The following PAFAH2 variants were observed in gnomAD, a reference collection of about 807,000 sequenced individuals.
PAFAH2 encodes the protein platelet-activating factor acetylhydrolase 2, cytoplasmic.
A neutral mutation model predicts 49.0 loss-of-function variants in PAFAH2; 42 were observed. That is an observed-to-expected ratio of 0.86 (90% CI 0.67 to 1.11). The LOEUF (loss-of-function observed/expected upper bound fraction) is 1.11. Among genes scored for constraint, PAFAH2 ranks in the 50% least tolerant of loss-of-function variants. PAFAH2 has a pLI of 0.00. For synonymous variants in PAFAH2, 184 were observed against 181.3 expected (o/e 1.01, Z -0.12); for missense variants, 503 against 501.8 (o/e 1.00, Z -0.02).
At chr1:25,983,220 G>A (rs761200743) in intron 6 of PAFAH2, among the ~76,000 whole-genome samples, 9 of 151,622 alleles carry the variant, frequency 5.9e-5, no homozygotes, top group Non-Finnish European at 1.0e-4. Flanking sequence ...GCAAGACCCC[G>A]TCTCTACTAA....
chr1:25,988,228 T>C lies in PAFAH2; in HGVS notation c.341+3A>G. On this transcript the variant is annotated splice_donor_region_variant and intron_variant, in intron 4 of 10. Coordinates refer to ENST00000374282, the MANE Select transcript of PAFAH2 (RefSeq NM_000437.4). ...GCAAGGTCTGGGGGAAAGAAGCTCT[T>C]ACCTGAAGGCTCCTAGGCCATGGGA... 6.3e-7 allele frequency: 1 copy of C among 1,589,744 alleles called. No individual in the cohort carries two copies.
chr1:25,988,261 A>T lies in PAFAH2; in HGVS notation c.311T>A (p.Ile104Asn). ...GGCTCCTAGGCCATGGGAGAAGATG[A>T]TCAAGGGGTATCCAGAGTCCTTTGT... is the stretch of plus-strand genomic sequence containing the variant. ...FKTKDSGYPLIIFSHGLGAFR... is the reference protein window; with the variant it reads ...FKTKDSGYPLNIFSHGLGAFR... The change falls in exon 4 of 11, where the codon ATC becomes AAC. Residue 104 changes from isoleucine to asparagine, a missense_variant. Physicochemically the swap from Ile to Asn is moderately radical, Grantham distance 149. Transcript: ENST00000374282. The T allele has an allele frequency of 6.2e-7, 1 of 1,608,964 alleles. No homozygotes were observed. Among genetic ancestry groups the T allele is most frequent in the African/African-American group, 1.3e-5 (1 of 74,750 alleles).
At chr1:25,991,884 C>T (rs781552535) in intron 1 of PAFAH2, among the ~76,000 whole-genome samples, 1 of 151,954 alleles carries the variant, frequency 6.6e-6, no homozygotes, top group African/African-American at 2.4e-5. Flanking sequence ...CAGAGTGAGA[C>T]CCTGTCTCAA....
chr1:25,997,245 T>C (rs1445364491), intron 1 of PAFAH2, among the ~76,000 whole-genome samples: 1 of 152,178 alleles, frequency 6.6e-6, no homozygotes, highest in Non-Finnish European at 1.5e-5. Context: ...GGAAATATCA[T>C]CCAGCTCGTA....
intron 10 of PAFAH2, among the ~76,000 whole-genome samples, chr1:25,969,391 GC>G (rs1223712635): frequency 6.6e-6 from 1 of 152,198 alleles, no homozygotes; most frequent in African/African-American, 2.4e-5. Flanking sequence ...GCCTACTGTG[GC>G]CATGGAACTT....
intron 8 of PAFAH2, 97 bp downstream of exon 8, chr1:25,976,585 A>C: frequency 1.2e-6 from 1 of 848,898 alleles, no homozygotes; most frequent in Admixed American, 2.1e-5. Flanking sequence ...CTCAGTCCCT[A>C]AACAGTGCCA....
chr1:25,997,319 G>C (rs545628902), intron 1 of PAFAH2: 2 of 152,360 alleles, frequency 1.3e-5, no homozygotes, highest in East Asian at 3.9e-4. Flanking sequence ...AGCTAGAGAA[G>C]AGGCCTGATA....
At position 25,974,459 on chromosome 1, in the gene PAFAH2, A is replaced by G. The variant is rs188978603; in HGVS notation, c.929+21T>C. The stretch of plus-strand genomic sequence containing the variant: ...GGCAAATGGAGAGGGCCCTGGGATC[A>G]CGACCTTGTGGTTTACTCACAGAAC... On this transcript the variant is annotated intron_variant, in intron 9 of 10. Coordinates refer to ENST00000374282, the MANE Select transcript of PAFAH2 (RefSeq NM_000437.4). The G allele has an allele frequency of 1.6e-5, 25 of 1,571,042 alleles. No homozygotes were observed. The African/African-American group carries it at 2.9e-4, about 18-fold the overall frequency.
At position 25,989,529 on chromosome 1, in the gene PAFAH2, G is replaced by C; in HGVS notation, c.163C>G (p.Arg55Gly). The change falls in exon 3 of 11, where the codon CGC (arginine) becomes GGC (glycine). Residue 55 changes from arginine (R) to glycine (G), a missense_variant. Coordinates refer to ENST00000374282, the MANE Select transcript of PAFAH2 (RefSeq NM_000437.4). ...GCCAGGCCAGTGCAGTACTCATAGC[G>C]GGGAATCCACAGGGGCTGCTCCATG... is the stretch of plus-strand genomic sequence containing the variant. ...ETMEQPLWIPRYEYCTGLAEY... is the reference protein window; with the variant it reads ...ETMEQPLWIPGYEYCTGLAEY... The C allele has an allele frequency of 6.2e-7, 1 of 1,613,024 alleles. No individual in the cohort carries two copies.
chr1:25,976,886 G>C (rs2049598105), intron 7 of PAFAH2, 113 bp from the exon 8 acceptor site: 1 of 710,340 alleles, frequency 1.4e-6, no homozygotes, highest in Non-Finnish European at 2.4e-6. Flanking sequence ...GCACAATACA[G>C]CAAGTGAGTC....
intron 1 of PAFAH2, among the ~76,000 whole-genome samples, chr1:25,994,685 AG>A (rs1280085744): frequency 6.6e-6 from 1 of 152,160 alleles, no homozygotes; most frequent in African/African-American, 2.4e-5. Flanking sequence ...TCAGGTTTTA[AG>A]ATTGGGGAAC....
intron 1 of PAFAH2, 46 bp from the exon 2 acceptor site, chr1:25,990,909 C>T (rs1383628271): frequency 9.3e-6 from 9 of 962,798 alleles, no homozygotes; most frequent in African/African-American, 1.6e-5. Flanking sequence ...GGTTTCCTCT[C>T]GGCTTCCTGT....
chr1:25,987,396 T>C (rs148201244), intron 4 of PAFAH2, among the ~76,000 whole-genome samples: 14 of 152,090 alleles, frequency 9.2e-5, no homozygotes, highest in Admixed American at 2.6e-4. Context: ...ACTAGACATA[T>C]ATGTTGATGA....
Position 25,961,844 on chromosome 1 carries a change from G to C in PAFAH2, c.*145C>G. 1.7e-6 allele frequency: 1 copy of C among 586,926 alleles called. No homozygotes were observed. The highest frequency in any genetic ancestry group is 2.7e-5 in the Admixed American group (1 of 37,196). 36.4% of individuals were successfully genotyped at this position (586,926 alleles called of 1,614,324 possible). A position where few individuals can be genotyped will look rare whatever the true frequency, so the allele number is the denominator to read the frequency against. ...ATCAAATCTAAGATCAAAGTACCCA[G>C]TTATCCAAGCAGCAGTGTGATTACA... On this transcript the variant is annotated 3_prime_UTR_variant, in exon 11 of 11. Transcript: ENST00000374282.
Position 25,961,908 on chromosome 1 carries a change from T to C in PAFAH2, c.*81A>G. ...GAAAAGGGGTCACGTTGATCACTTC[T>C]TGATAGGAGCTCATGGGTGCCCTTG... On this transcript the variant is annotated 3_prime_UTR_variant, in exon 11 of 11. Coordinates refer to ENST00000374282, the MANE Select transcript of PAFAH2 (RefSeq NM_000437.4). 2 of 971,620 alleles carry C rather than the reference T, an allele frequency of 2.1e-6. No homozygotes were observed. Among genetic ancestry groups the C allele is most frequent in the Non-Finnish European group, 3.3e-6 (2 of 607,586 alleles). 60.2% of individuals were successfully genotyped at this position (971,620 alleles called of 1,614,324 possible).
At chr1:25,990,341 A>C (rs1342215417) in intron 2 of PAFAH2, among the ~76,000 whole-genome samples, 1 of 152,138 alleles carries the variant, frequency 6.6e-6, no homozygotes, top group Non-Finnish European at 1.5e-5. Flanking sequence ...CCCCCTACCC[A>C]GGTCAGGGAG....
chr1:25,980,136 T>C (rs2049660336), intron 7 of PAFAH2, among the ~76,000 whole-genome samples: 1 of 152,202 alleles, frequency 6.6e-6, no homozygotes, highest in Non-Finnish European at 1.5e-5. Context: ...GCACACAGCT[T>C]AGGCTGTAGA....
chr1:25,990,726 C>T lies in PAFAH2; in HGVS notation c.90+1G>A. Reference sequence around the variant, plus strand: ...GAAGAAAGGGAGCTGGGGACACTTACCTGGAGATTCTGACCCTCCATCACA... The same window carrying T: ...GAAGAAAGGGAGCTGGGGACACTTATCTGGAGATTCTGACCCTCCATCACA... On this transcript the variant is annotated splice_donor_variant, in intron 2 of 10. Coordinates refer to ENST00000374282, the MANE Select transcript of PAFAH2 (RefSeq NM_000437.4). LOFTEE classifies it high-confidence loss of function. 6.2e-7 allele frequency: 1 copy of T among 1,612,338 alleles called. No homozygotes were observed. Among genetic ancestry groups the T allele is most frequent in the African/African-American group, 1.3e-5 (1 of 74,992 alleles).
intron 4 of PAFAH2, among the ~76,000 whole-genome samples, chr1:25,987,470 G>T (rs972483464): frequency 6.6e-6 from 1 of 151,986 alleles, no homozygotes. Flanking sequence ...AGTGGCTCAC[G>T]CCTGTAATCC....
Sources: allele counts gnomAD v4.1 joint callset (sites outside exome capture counted in the v4.1 genomes callset), GRCh38; gene constraint gnomAD v4.1.1; transcripts MANE v1.5; gene names NCBI Gene and HGNC (gene_info 2026-07-23, HGNC 2026-07-21).